The following ARHGAP6 variants were observed in gnomAD, a reference collection of about 807,000 sequenced individuals.
ARHGAP6 encodes rho GTPase-activating protein 6.
A neutral mutation model predicts 55.7 loss-of-function variants in ARHGAP6; 16 were observed. The ratio of observed to expected loss-of-function variants is 0.29; its 90% CI spans 0.19 to 0.44. The LOEUF (loss-of-function observed/expected upper bound fraction) is 0.44, where lower values mean the gene tolerates loss of function less well. Ranked by LOEUF, ARHGAP6 falls within the 20% of genes least tolerant of loss-of-function variation. ARHGAP6 has a pLI of 1.00. For synonymous variants in ARHGAP6, 382 were observed against 360.9 expected (o/e 1.06, Z -0.66); for missense variants, 698 against 808.9 (o/e 0.86, Z 1.66).
chrX:11,170,300 T>TAAGC (rs1254684125), intron 8 of ARHGAP6, among the ~76,000 whole-genome samples: 1 of 111,713 alleles, frequency 9.0e-6, no homozygotes, highest in Non-Finnish European at 1.9e-5. Context: ...TAGAGTTTGC[T>TAAGC]AGGCTGAAAA....
At chrX:11,407,481 C>T (rs1266986777) in intron 1 of ARHGAP6, among the ~76,000 whole-genome samples, 1 of 112,060 alleles carries the variant, frequency 8.9e-6, no homozygotes, top group African/African-American at 3.2e-5. Context: ...TTTGTGTACA[C>T]ACATTTCATT....
intron 1 of ARHGAP6, among the ~76,000 whole-genome samples, chrX:11,522,076 G>A (rs1224067400): frequency 9.0e-6 from 1 of 111,691 alleles, no homozygotes; most frequent in African/African-American, 3.3e-5. Flanking sequence ...TCAGGATTAA[G>A]AAACTCACTC....
At chrX:11,507,135 A>T (rs942910261) in intron 1 of ARHGAP6, among the ~76,000 whole-genome samples, 1 of 111,881 alleles carries the variant, frequency 8.9e-6, no homozygotes, top group Non-Finnish European at 1.9e-5. Context: ...ACCCCTACTG[A>T]TTATTCAGTA....
chrX:11,378,067 A>T (rs1302864033), intron 1 of ARHGAP6, among the ~76,000 whole-genome samples: 1 of 111,524 alleles, frequency 9.0e-6, no homozygotes, highest in African/African-American at 3.3e-5. Context: ...TGGGCACCCC[A>T]ATGGTTCGCT....
intron 1 of ARHGAP6, among the ~76,000 whole-genome samples, chrX:11,463,008 A>T (rs762818628): frequency 6.1e-4 from 69 of 112,430 alleles, no homozygotes; most frequent in Non-Finnish European, 9.8e-4. Context: ...TCCCAGCCAG[A>T]AATCTGGGTA....
chrX:11,198,731 A>C (rs1161973939), intron 2 of ARHGAP6, among the ~76,000 whole-genome samples: 3 of 112,412 alleles, frequency 2.7e-5, no homozygotes, highest in African/African-American at 9.7e-5. Context: ...ATGATTCTTA[A>C]ATACTTAAAA....
chrX:11,298,761 C>G, intron 1 of ARHGAP6: 1 of 1,211,212 alleles, frequency 8.3e-7, no homozygotes, highest in Non-Finnish European at 1.1e-6. Flanking sequence ...GCCAAACCTC[C>G]CTCCGCCCGC....
intron 8 of ARHGAP6, among the ~76,000 whole-genome samples, chrX:11,170,692 C>T (rs1038692722): frequency 3.6e-5 from 4 of 110,795 alleles, no homozygotes; most frequent in South Asian, 3.8e-4. Flanking sequence ...TCCAAAGTTA[C>T]GGAGGGGGTG....
intron 1 of ARHGAP6, among the ~76,000 whole-genome samples, chrX:11,485,728 G>A (rs151102005): frequency 6.2e-5 from 7 of 112,027 alleles, no homozygotes; most frequent in Non-Finnish European, 9.4e-5. Flanking sequence ...ATTGGGGTGG[G>A]TAGGATCAGT....
intron 1 of ARHGAP6, among the ~76,000 whole-genome samples, chrX:11,653,508 A>G (rs2052608515): frequency 1.8e-5 from 2 of 112,755 alleles, no homozygotes; most frequent in Admixed American, 1.9e-4. Flanking sequence ...ATTTTTGACT[A>G]AAGTAATTCT....
chrX:11,431,145 TTTTG>T (rs977103969), intron 1 of ARHGAP6, among the ~76,000 whole-genome samples: 8 of 112,144 alleles, frequency 7.1e-5, no homozygotes, highest in African/African-American at 2.6e-4. Flanking sequence ...TAATGTTCTT[TTTTG>T]TTTGTTTTTC....
In ARHGAP6 at chrX:11,249,572, GA is replaced by G. The variant is rs992218858; in HGVS notation, c.748+4975del. 1.5e-4 allele frequency among the ~76,000 whole-genome samples: 16 copies of G among 108,083 alleles called. No homozygotes were observed. The South Asian group carries it at 2.8e-3, about 19-fold the overall frequency. 93.9% of individuals were successfully genotyped at this position (108,083 alleles called of 115,157 possible). A position where few individuals can be genotyped will look rare whatever the true frequency, so the allele number is the denominator to read the frequency against. ...CTTTTGGAGCCATGCCACTCTGAGA[GA>G]AAAAAAAAATCTCCTTGGTGTTTAG... On this transcript the variant is annotated intron_variant, in intron 2 of 12. Transcript: ENST00000337414.
intron 1 of ARHGAP6, among the ~76,000 whole-genome samples, chrX:11,554,526 T>C (rs2051301927): frequency 8.9e-6 from 1 of 112,145 alleles, no homozygotes; most frequent in African/African-American, 3.2e-5. Context: ...CATTGCTCAC[T>C]CTATGCATGT....
At chrX:11,373,658 A>G (rs1436810633) in intron 1 of ARHGAP6, among the ~76,000 whole-genome samples, 1 of 112,131 alleles carries the variant, frequency 8.9e-6, no homozygotes, top group Non-Finnish European at 1.9e-5. Flanking sequence ...CTCAAATTCA[A>G]CCAGCCTTTT....
At chrX:11,630,217 T>C (rs916137614) in intron 1 of ARHGAP6, among the ~76,000 whole-genome samples, 3 of 111,827 alleles carry the variant, frequency 2.7e-5, no homozygotes, top group African/African-American at 9.8e-5. Context: ...CTGAGGGAAA[T>C]GTTTATGTAA....
At chrX:11,395,634 G>A (rs760139540) in intron 1 of ARHGAP6, among the ~76,000 whole-genome samples, 7 of 112,268 alleles carry the variant, frequency 6.2e-5, no homozygotes, top group African/African-American at 1.3e-4. Context: ...AGGTACTACC[G>A]GCAGTGAAAA....
intron 10 of ARHGAP6, among the ~76,000 whole-genome samples, chrX:11,147,608 C>T (rs1028020723): frequency 2.7e-5 from 3 of 112,743 alleles, no homozygotes; most frequent in Admixed American, 9.3e-5. Flanking sequence ...TATTCTATCC[C>T]AGTTTCTGAA....
chrX:11,451,338 C>T (rs1364503139), intron 1 of ARHGAP6, among the ~76,000 whole-genome samples: 1 of 111,751 alleles, frequency 8.9e-6, no homozygotes, highest in Non-Finnish European at 1.9e-5. Flanking sequence ...CACTTGTTAC[C>T]ATAGCAACAA....
chrX:11,427,914 T>G, intron 1 of ARHGAP6: 1 of 493,108 alleles, frequency 2.0e-6, no homozygotes, highest in Non-Finnish European at 2.5e-6. Flanking sequence ...CTTCCGCTCC[T>G]GGCGGGTCCC....
Sources: gnomAD v4.1 joint callset for allele counts (sites outside exome capture counted in the v4.1 genomes callset) on GRCh38, gnomAD v4.1.1 for gene constraint, MANE v1.5 for transcripts, NCBI Gene and HGNC (gene_info 2026-07-23, HGNC 2026-07-21) for gene names.